SLC4A5: variants seen among roughly 807,000 people sequenced by gnomAD.
The protein encoded by SLC4A5 is solute carrier family 4 member 5, also known as electrogenic sodium bicarbonate cotransporter 4.
In SLC4A5, 96 loss-of-function variants were observed where a neutral mutation model predicts 120.4. The ratio of observed to expected loss-of-function variants is 0.80; its 90% CI spans 0.68 to 0.94. SLC4A5 has a LOEUF of 0.94. Ranked by LOEUF, SLC4A5 falls within the 40% of genes least tolerant of loss-of-function variation. The pLI, the probability that SLC4A5 is intolerant of heterozygous loss-of-function variation, is 0.00. For synonymous variants in SLC4A5, 550 were observed against 571.1 expected, an observed-to-expected ratio of 0.96 and a Z score of 0.53; for missense variants, 1,259 against 1,459.5, an observed-to-expected ratio of 0.86 and a Z score of 2.24.
At chr2:74,282,273 G>C (rs756454685) in intron 8 of SLC4A5, among the ~76,000 whole-genome samples, 1 of 152,246 alleles carries the variant, frequency 6.6e-6, no homozygotes. Flanking sequence ...GTTAGCTGTA[G>C]AGAGTAGAAA....
intron 5 of SLC4A5, among the ~76,000 whole-genome samples, chr2:74,320,232 C>A (rs7567768): frequency 1.8e-4 from 28 of 151,744 alleles, no homozygotes; most frequent in Non-Finnish European, 3.7e-4. Flanking sequence ...GAGAAAATTA[C>A]CAATGAAATA....
intron 25 of SLC4A5, among the ~76,000 whole-genome samples, chr2:74,229,125 A>G (rs891923007): frequency 6.6e-3 from 3 of 452 alleles, no homozygotes; most frequent in South Asian, 0.14. Context: ...TTCTTGAGAC[A>G]GAGTCTCGAT....
At chr2:74,250,794 T>C (rs1395964806) in intron 16 of SLC4A5, 1 of 348,112 alleles carries the variant, frequency 2.9e-6, no homozygotes, top group Admixed American at 4.3e-5. Flanking sequence ...TAACATTCCA[T>C]GGAGAATGGA....
exon 16 of SLC4A5, chr2:74,252,259 C>T (rs1670816089): frequency 1.2e-6 from 2 of 1,609,404 alleles, no homozygotes; most frequent in East Asian, 4.5e-5. Flanking sequence ...TTCCGCCGGC[C>T]CCGCCACTGC....
chr2:74,281,538 C>G (rs893482813), intron 8 of SLC4A5, among the ~76,000 whole-genome samples: 1 of 152,176 alleles, frequency 6.6e-6, no homozygotes, highest in Non-Finnish European at 1.5e-5. Flanking sequence ...CATGGGAATG[C>G]TAGAGACAGA....
chr2:74,331,370 T>TGGTGAGGTGTG (rs1302818849), intron 4 of SLC4A5, among the ~76,000 whole-genome samples: 4 of 151,692 alleles, frequency 2.6e-5, no homozygotes, highest in Non-Finnish European at 5.9e-5. Flanking sequence ...TAGATGGTAG[T>TGGTGAGGTGTG]GGTGAGGTGT....
At position 74,287,882 on chromosome 2, in the gene SLC4A5, C is replaced by A. The variant is rs1672034311; in HGVS notation, c.272-1980G>T. ...TTCCTACCCAAGACAGGTTCCCTGA[C>A]CCTGCCTGTCTCCTTAGCTCTCCTG... On this transcript the variant is annotated intron_variant, in intron 7 of 30. Coordinates refer to ENST00000394019, the Ensembl canonical transcript of SLC4A5. Among the ~76,000 whole-genome samples the A allele has an allele frequency of 2.6e-5, 4 of 152,246 alleles. No homozygotes were observed. In the South Asian group the frequency reaches 8.3e-4, roughly 32 times the overall value.
At chr2:74,339,413 A>T (rs1314643693) in intron 2 of SLC4A5, 1 of 152,242 alleles carries the variant, frequency 6.6e-6, no homozygotes, top group African/African-American at 2.4e-5. Flanking sequence ...AAAAAAATAA[A>T]TAGATTTTTA....
chr2:74,319,492 G>T (rs1673044429), intron 5 of SLC4A5: 1 of 152,004 alleles, frequency 6.6e-6, no homozygotes, highest in African/African-American at 2.4e-5. Flanking sequence ...CAAAAACAAA[G>T]ATAGTTAATA....
chr2:74,276,174 G>A (rs915498519), intron 8 of SLC4A5, among the ~76,000 whole-genome samples: 7 of 152,070 alleles, frequency 4.6e-5, no homozygotes, highest in Non-Finnish European at 8.8e-5. Context: ...GAAGAGGAGC[G>A]GGGAGAGGAG....
chr2:74,272,109 G>A (rs903604021), intron 8 of SLC4A5, among the ~76,000 whole-genome samples: 1 of 152,146 alleles, frequency 6.6e-6, no homozygotes, highest in Non-Finnish European at 1.5e-5. Context: ...TTATCTTTTA[G>A]AGACATAATG....
At chr2:74,332,648 T>C (rs992107066) in intron 4 of SLC4A5, among the ~76,000 whole-genome samples, 1 of 152,136 alleles carries the variant, frequency 6.6e-6, no homozygotes, top group Non-Finnish European at 1.5e-5. Flanking sequence ...GGAAAAAGCC[T>C]GTCTTCAGTG....
At chr2:74,340,657 G>C (rs1673602889) in intron 2 of SLC4A5, among the ~76,000 whole-genome samples, 1 of 152,156 alleles carries the variant, frequency 6.6e-6, no homozygotes, top group Non-Finnish European at 1.5e-5. Context: ...ATCTGTAAAA[G>C]AATCACCATG....
intron 5 of SLC4A5, among the ~76,000 whole-genome samples, chr2:74,324,312 G>A (rs1318377171): frequency 6.6e-6 from 1 of 152,182 alleles, no homozygotes; most frequent in Non-Finnish European, 1.5e-5. Flanking sequence ...CCAGGCTGGA[G>A]TTCAATGGCG....
intron 8 of SLC4A5, among the ~76,000 whole-genome samples, chr2:74,269,817 C>T (rs1169453828): frequency 1.3e-5 from 2 of 152,148 alleles, no homozygotes; most frequent in African/African-American, 2.4e-5. Flanking sequence ...CCTGACATCC[C>T]ATTCTTCAGT....
rs889813912 is a variant in SLC4A5 at position 74,240,243 on chromosome 2, A to C, written c.2119-708T>G. ...GAATGTGCTTTTCTCTGCTGAGCCA[A>C]CTTTTTCCCAACCTTGAAGACCAGA... On this transcript the variant is annotated intron_variant, in intron 20 of 30. Coordinates refer to ENST00000394019, the Ensembl canonical transcript of SLC4A5. Among the ~76,000 whole-genome samples the C allele has an allele frequency of 3.3e-5, 5 of 151,798 alleles. No homozygotes were observed. The South Asian group carries it at 6.2e-4, about 19-fold the overall frequency.
chr2:74,339,437 G>T (rs1201535091), intron 2 of SLC4A5: 4 of 152,190 alleles, frequency 2.6e-5, no homozygotes, highest in African/African-American at 9.7e-5. Context: ...TTTTAAAAAA[G>T]AAATATTGTT....
At chr2:74,229,247 GTTT>G (rs71406869) in intron 25 of SLC4A5, among the ~76,000 whole-genome samples, 56 of 134,316 alleles carry the variant, frequency 4.2e-4, no homozygotes, top group African/African-American at 1.3e-3. Flanking sequence ...ATTCGAAGGT[GTTT>G]TTTTTTTTTG....
intron 5 of SLC4A5, chr2:74,319,444 A>G (rs1211099969): frequency 1.3e-5 from 2 of 152,220 alleles, no homozygotes; most frequent in Non-Finnish European, 2.9e-5. Flanking sequence ...ATAATAAAAG[A>G]TAAGCATGAC....
Sources: gnomAD v4.1 joint callset for allele counts (sites outside exome capture counted in the v4.1 genomes callset) on GRCh38, gnomAD v4.1.1 for gene constraint, MANE v1.5 for transcripts, NCBI Gene and HGNC (gene_info 2026-07-23, HGNC 2026-07-21) for gene names.